TRRAP: variants seen among roughly 807,000 people sequenced by gnomAD.
The protein encoded by TRRAP is transformation/transcription domain-associated protein.
Under a neutral mutation model 438.8 loss-of-function variants are expected in TRRAP, and 41 were observed. That is an observed-to-expected ratio of 0.09 (90% CI 0.07 to 0.12). TRRAP has a LOEUF of 0.12. Ranked by LOEUF, TRRAP falls within the 10% of genes least tolerant of loss-of-function variation. The pLI is 1.00. For missense variants in TRRAP, 3,122 were observed against 5,055.1 expected, an observed-to-expected ratio of 0.62 and a Z score of 11.60; for synonymous variants, 1,994 against 1,962.9, an observed-to-expected ratio of 1.02 and a Z score of -0.42.
At chr7:98,991,521 T>C (rs772234909) in intron 64 of TRRAP, among the ~76,000 whole-genome samples, 1 of 152,164 alleles carries the variant, frequency 6.6e-6, no homozygotes, top group South Asian at 2.1e-4. Flanking sequence ...TTCTGGAGCA[T>C]CTCAGGTTCA....
At chr7:98,991,541 G>A (rs181010347) in intron 64 of TRRAP, among the ~76,000 whole-genome samples, 15 of 152,284 alleles carry the variant, frequency 9.9e-5, no homozygotes, top group Admixed American at 2.0e-4. Context: ...AAGAGCAGCC[G>A]CCTCTGCCTG....
At chr7:98,965,428 T>C (rs945767967) in intron 48 of TRRAP, among the ~76,000 whole-genome samples, 4 of 152,054 alleles carry the variant, frequency 2.6e-5, no homozygotes, top group African/African-American at 9.7e-5. Flanking sequence ...ACAGGGGCCA[T>C]GATTAGGACT....
Position 98,931,431 on chromosome 7 carries a change from A to G in TRRAP, c.3618A>G (p.Ala1206=), listed in dbSNP as rs1790318414. 1 of 1,614,104 alleles carries G rather than the reference A, an allele frequency of 6.2e-7. No individual in the cohort carries two copies. The highest frequency in any genetic ancestry group is 1.3e-5 in the African/African-American group (1 of 75,066). ...TTTCCAATGGGGCAGTCGCTATGGC[A>G]AAGACCACGCTGGAGCAGCTTCTGA... ...GEVSNGAVAM[A]KTTLEQLLMR... is the part of the protein sequence containing the mutation. The change falls in exon 26 of 73, where the codon GCA becomes GCG. Residue 1206 remains alanine (A), a synonymous_variant. Transcript: ENST00000456197.
chr7:99,008,310 A>G (rs2116873515), intron 69 of TRRAP, 67 bp from the exon 70 acceptor site: 1 of 1,520,588 alleles, frequency 6.6e-7, no homozygotes, highest in Non-Finnish European at 9.0e-7. Flanking sequence ...TGGCACTCTG[A>G]CGGTGGAGCT....
At position 99,012,315 on chromosome 7, in the gene TRRAP, A is replaced by G; in HGVS notation, c.11582A>G (p.Asn3861Ser). Residue 3861 changes from asparagine (N) to serine (S), a missense_variant, in exon 73 of 73, where the codon AAT becomes AGT. Around this residue, in one of 24 missense-constraint regions of TRRAP, gnomAD observed 192 missense variants for 355.6 expected, o/e 0.54. Transcript: ENST00000456197. The surrounding 1 kb of genome is among the most constrained non-coding windows in gnomAD (Gnocchi z 5.9). Reference sequence around the variant, plus strand: ...GTGGCCGCGGCAAACAGCCTGGACAATCTGTGCCGCATGGACCCCGCCTGG... The same window carrying G: ...GTGGCCGCGGCAAACAGCCTGGACAGTCTGTGCCGCATGGACCCCGCCTGG... ...TLVAAANSLD[N>S]LCRMDPAWHP... 1.2e-6 allele frequency: 2 copies of G among 1,611,038 alleles called. No homozygotes were observed. The highest frequency in any genetic ancestry group is 1.7e-6 in the Non-Finnish European group (2 of 1,179,070).
chr7:98,940,139 T>G (rs1391836405), intron 30 of TRRAP, among the ~76,000 whole-genome samples: 1 of 151,528 alleles, frequency 6.6e-6, no homozygotes, highest in Non-Finnish European at 1.5e-5. Context: ...CTGCCTTGAC[T>G]TCCTGAAGTG....
chr7:98,989,160 C>G (rs1793279431), intron 63 of TRRAP, among the ~76,000 whole-genome samples, 194 bp downstream of exon 63: 1 of 152,258 alleles, frequency 6.6e-6, no homozygotes, highest in Non-Finnish European at 1.5e-5. Context: ...CCTGGACACT[C>G]TTAGGGCCCC....
At chr7:98,907,776 C>T (rs1053858189) in intron 13 of TRRAP, among the ~76,000 whole-genome samples, 9 of 151,738 alleles carry the variant, frequency 5.9e-5, no homozygotes, top group Admixed American at 1.3e-4. Flanking sequence ...TGCTGCAGCA[C>T]GCCGCCCCCT....
rs1791172119 is a variant in TRRAP, at chr7:98,948,147, G to T, written c.4549-74G>T. The T allele has an allele frequency of 6.3e-7, 1 of 1,595,604 alleles. No individual in the cohort carries two copies. Among genetic ancestry groups the T allele is most frequent in the Non-Finnish European group, 8.5e-7 (1 of 1,172,056 alleles). On this transcript the variant is annotated intron_variant, in intron 33 of 72. Coordinates refer to ENST00000456197, the MANE Select transcript of TRRAP (RefSeq NM_001375524.1). The surrounding 1 kb of genome is among the most constrained non-coding windows in gnomAD (Gnocchi z 4.9). ...GCCAACATAGTTAGACTATAGTAGG[G>T]TCTGTAGTGACGTTGACCTCTGTCA...
chr7:98,961,618 T>A lies in TRRAP; in HGVS notation c.6703+144T>A, dbSNP rs13240075. The A allele has an allele frequency of 0.83, 849,466 of 1,025,812 alleles. 362,506 individuals carry two copies. The highest frequency in any genetic ancestry group is 0.88 in the Non-Finnish European group (623,592 of 711,890). The allele number at this position is 1,025,812 out of a possible 1,614,324, so 63.5% of individuals were successfully genotyped here. A position where few individuals can be genotyped will look rare whatever the true frequency, so the allele number is the denominator to read the frequency against. On this transcript the variant is annotated intron_variant, in intron 46 of 72. Coordinates refer to ENST00000456197, the MANE Select transcript of TRRAP (RefSeq NM_001375524.1). ...TACTTGCAAACTTTCTTTTAAAAACTGACATGGAAACATAGAATGGGCCGG... is the reference window on the plus strand; with the variant it reads ...TACTTGCAAACTTTCTTTTAAAAACAGACATGGAAACATAGAATGGGCCGG...
intron 30 of TRRAP, among the ~76,000 whole-genome samples, chr7:98,940,278 A>T (rs782712181): frequency 1.6e-4 from 23 of 147,796 alleles, no homozygotes; most frequent in African/African-American, 5.8e-4. Context: ...AACCTCTGCC[A>T]CCTGGGCTCA....
At chr7:98,967,816 C>A in intron 51 of TRRAP, 118 bp downstream of exon 51, 1 of 886,834 alleles carries the variant, frequency 1.1e-6, no homozygotes, top group Non-Finnish European at 1.7e-6. Flanking sequence ...CCAGCACAAA[C>A]CTGCTTCTGA....
intron 70 of TRRAP, among the ~76,000 whole-genome samples, chr7:99,010,849 A>C (rs1794396284): frequency 6.6e-6 from 1 of 152,222 alleles, no homozygotes; most frequent in Non-Finnish European, 1.5e-5. Context: ...TTTAGAGCAG[A>C]CAGTGGCGAA....
intron 21 of TRRAP, among the ~76,000 whole-genome samples, chr7:98,923,272 C>T (rs1789884670): frequency 6.6e-6 from 1 of 152,152 alleles, no homozygotes; most frequent in Non-Finnish European, 1.5e-5. Flanking sequence ...TGCCCCAAAG[C>T]AGCTGAAGTC....
chr7:98,916,615 C>T (rs1554409588), intron 19 of TRRAP, among the ~76,000 whole-genome samples: 1 of 152,156 alleles, frequency 6.6e-6, no homozygotes. Context: ...TGGGAGTGGA[C>T]CATAACCTGG....
intron 23 of TRRAP, among the ~76,000 whole-genome samples, chr7:98,928,418 C>T (rs1386669581): frequency 1.3e-5 from 2 of 152,202 alleles, no homozygotes; most frequent in African/African-American, 4.8e-5. Context: ...GATCAACCAG[C>T]AGAGCACATA....
chr7:98,882,042 T>C lies in TRRAP; in HGVS notation c.150+18T>C. 1 of 1,597,108 alleles carries C rather than the reference T, an allele frequency of 6.3e-7. No homozygotes were observed. The highest frequency in any genetic ancestry group is 8.5e-7 in the Non-Finnish European group (1 of 1,173,500). On this transcript the variant is annotated intron_variant, in intron 3 of 72. Coordinates refer to ENST00000456197, the MANE Select transcript of TRRAP (RefSeq NM_001375524.1). ...ATTTTGAGGTATGAGCATTATATTT[T>C]CTATTTTTCATTTTGAGGTAAATAT...
intron 64 of TRRAP, among the ~76,000 whole-genome samples, chr7:98,991,147 C>T (rs1477817354): frequency 1.3e-5 from 2 of 152,198 alleles, no homozygotes; most frequent in African/African-American, 2.4e-5. Context: ...TGGAAAGGCT[C>T]TCATAACCAT....
chr7:98,878,883 G>C (rs1554402555), intron 1 of TRRAP, among the ~76,000 whole-genome samples: 1 of 152,174 alleles, frequency 6.6e-6, no homozygotes, highest in African/African-American at 2.4e-5. Context: ...CTCGGCGCTC[G>C]CCGTAGCTCG....
Sources: allele counts gnomAD v4.1 joint callset (sites outside exome capture counted in the v4.1 genomes callset), GRCh38; gene constraint gnomAD v4.1.1; regional missense constraint gnomAD v4.1.1; non-coding constraint Gnocchi (gnomAD v3.1); transcripts MANE v1.5; gene names NCBI Gene and HGNC (gene_info 2026-07-23, HGNC 2026-07-21).